The following ARHGEF7 variants were observed in gnomAD, a reference collection of about 807,000 sequenced individuals.
ARHGEF7 encodes the protein Rho guanine nucleotide exchange factor 7, also known as PAK-interacting exchange factor beta.
A neutral mutation model predicts 109.8 loss-of-function variants in ARHGEF7; 33 were observed. That is an observed-to-expected ratio of 0.30 (90% CI 0.23 to 0.40). The LOEUF is 0.40. Ranked by LOEUF, ARHGEF7 falls within the 10% of genes least tolerant of loss-of-function variation. ARHGEF7 has a pLI of 1.00. For missense variants in ARHGEF7, 938 were observed against 1,098.5 expected, an observed-to-expected ratio of 0.85 and a Z score of 2.07; for synonymous variants, 458 against 424.6, an observed-to-expected ratio of 1.08 and a Z score of -0.97.
chr13:111,241,041 C>T, intron 6 of ARHGEF7: 1 of 1,117,166 alleles, frequency 9.0e-7, no homozygotes, highest in African/African-American at 1.6e-5. Context: ...GCAGTGAGTC[C>T]TCTTTGTTTT....
chr13:111,136,108 T>G (rs985129817), intron 1 of ARHGEF7, among the ~76,000 whole-genome samples: 10 of 152,124 alleles, frequency 6.6e-5, no homozygotes, highest in East Asian at 1.9e-4. Context: ...TTATTGATTT[T>G]CGTATGTTGA....
intron 8 of ARHGEF7, among the ~76,000 whole-genome samples, chr13:111,263,281 G>C (rs1470216575): frequency 6.6e-6 from 1 of 152,204 alleles, no homozygotes; most frequent in Non-Finnish European, 1.5e-5. Context: ...ATTCTTGGGA[G>C]AATTGGTCTG....
At chr13:111,238,748 G>C (rs755686299) in intron 6 of ARHGEF7, among the ~76,000 whole-genome samples, 8 of 152,030 alleles carry the variant, frequency 5.3e-5, no homozygotes, top group Non-Finnish European at 1.0e-4. Flanking sequence ...GGGATGAGGA[G>C]CACCCCGCTC....
chr13:111,164,722 T>C (rs1287105770), intron 2 of ARHGEF7, among the ~76,000 whole-genome samples: 1 of 152,200 alleles, frequency 6.6e-6, no homozygotes. Context: ...GGTTTGAAAG[T>C]AGCTGTCTCA....
At chr13:111,186,893 C>A in intron 2 of ARHGEF7, 1 of 985,538 alleles carries the variant, frequency 1.0e-6, no homozygotes, top group African/African-American at 1.7e-5. Flanking sequence ...ACGACTACTT[C>A]TTTCCCCATT....
At chr13:111,242,945 A>G (rs1333899597) in intron 6 of ARHGEF7, among the ~76,000 whole-genome samples, 1 of 152,208 alleles carries the variant, frequency 6.6e-6, no homozygotes, top group Non-Finnish European at 1.5e-5. Context: ...ACTTGGTTTC[A>G]TCAGTTTTGC....
chr13:111,204,884 T>C (rs1594690852), intron 2 of ARHGEF7, among the ~76,000 whole-genome samples: 1 of 152,244 alleles, frequency 6.6e-6, no homozygotes. Context: ...CCTTATTTTC[T>C]GTGGCTAGGA....
chr13:111,211,379 C>G (rs1237906289), intron 4 of ARHGEF7, among the ~76,000 whole-genome samples: 2 of 152,100 alleles, frequency 1.3e-5, no homozygotes, highest in Non-Finnish European at 2.9e-5. Flanking sequence ...CACCCGTTCA[C>G]TGGTGGCAAT....
At chr13:111,203,896 G>A (rs1208492781) in intron 2 of ARHGEF7, among the ~76,000 whole-genome samples, 1 of 152,238 alleles carries the variant, frequency 6.6e-6, no homozygotes, top group African/African-American at 2.4e-5. Flanking sequence ...TGCAGGGTGG[G>A]TGGCTGGTTG....
chr13:111,256,900 G>A (rs1301674644), intron 8 of ARHGEF7, among the ~76,000 whole-genome samples: 1 of 152,210 alleles, frequency 6.6e-6, no homozygotes, highest in East Asian at 1.9e-4. Context: ...GTTCATCCCA[G>A]AAACTGGGGG....
chr13:111,237,253 C>T (rs1261066396), intron 6 of ARHGEF7, among the ~76,000 whole-genome samples: 5 of 151,672 alleles, frequency 3.3e-5, no homozygotes, highest in African/African-American at 1.2e-4. Flanking sequence ...CTCATTAAGA[C>T]AAATACATGA....
chr13:111,247,227 T>C (rs560839594), intron 8 of ARHGEF7, among the ~76,000 whole-genome samples: 1 of 152,310 alleles, frequency 6.6e-6, no homozygotes, highest in East Asian at 1.9e-4. Context: ...TGTACCATTT[T>C]ACAGTTTACC....
Position 111,255,448 on chromosome 13 carries a change from G to T in ARHGEF7, c.950+11154G>T, listed in dbSNP as rs1157538107. On this transcript the variant is annotated intron_variant, in intron 8 of 21. Coordinates refer to ENST00000646102, the MANE Select transcript of ARHGEF7 (RefSeq NM_001354046.2). This position sits in a 1 kb window ranked among gnomAD's most constrained non-coding sequence, Gnocchi z 4.1. ...CCTCATCTATAAAGCAGGGGTGCTG[G>T]TGTCACCCACCCAGAGTCTTGCGGA... Among the ~76,000 whole-genome samples, 3 of 152,218 alleles carry T rather than the reference G, an allele frequency of 2.0e-5. No individual in the cohort carries two copies. The highest frequency in any genetic ancestry group is 2.9e-5 in the Non-Finnish European group (2 of 68,030).
chr13:111,129,121 C>CT (rs1392490958), intron 1 of ARHGEF7, among the ~76,000 whole-genome samples: 1 of 152,182 alleles, frequency 6.6e-6, no homozygotes, highest in East Asian at 1.9e-4. Context: ...AAAGGACACT[C>CT]TTTTCAGTAA....
intron 1 of ARHGEF7, among the ~76,000 whole-genome samples, chr13:111,121,023 A>T (rs1490338867): frequency 1.3e-5 from 2 of 152,252 alleles, no homozygotes; most frequent in Admixed American, 1.3e-4. Context: ...AGACGGAGGC[A>T]GCAGTGTAAC....
chr13:111,244,374 A>T (rs1343678380), intron 8 of ARHGEF7, 80 bp downstream of exon 8: 1 of 841,464 alleles, frequency 1.2e-6, no homozygotes, highest in African/African-American at 1.8e-5. Context: ...GTAATTTTAG[A>T]ATTCACATTT....
In ARHGEF7 at chr13:111,275,355, A is replaced by G. The variant is rs192636620; in HGVS notation, c.1273-177A>G. ...GTTGCTTCTCTTAACTTGGTTTCAT[A>G]CTTCTAAGCAAATACTTTCAATTCC... On this transcript the variant is annotated intron_variant, in intron 11 of 21. Transcript: ENST00000646102. Among the ~76,000 whole-genome samples, 303 of 152,330 alleles carry G rather than the reference A, an allele frequency of 2.0e-3. 2 individuals are homozygous for G. In the South Asian group the frequency reaches 0.023, roughly 11 times the overall value.
chr13:111,177,171 T>C (rs2078250516), intron 2 of ARHGEF7, among the ~76,000 whole-genome samples: 2 of 152,248 alleles, frequency 1.3e-5, no homozygotes. Flanking sequence ...AGGCATCGCT[T>C]TGCGGGAGAA....
At chr13:111,251,714 G>T (rs1460634545) in intron 8 of ARHGEF7, among the ~76,000 whole-genome samples, 2 of 152,144 alleles carry the variant, frequency 1.3e-5, no homozygotes, top group Non-Finnish European at 2.9e-5. Context: ...TGGGATCCAC[G>T]GCTGGTTGTA....
Sources: allele counts gnomAD v4.1 joint callset (sites outside exome capture counted in the v4.1 genomes callset), GRCh38; gene constraint gnomAD v4.1.1; non-coding constraint Gnocchi (gnomAD v3.1); transcripts MANE v1.5; gene names NCBI Gene and HGNC (gene_info 2026-07-23, HGNC 2026-07-21).